SUMF1: variants seen among roughly 807,000 people sequenced by gnomAD.
SUMF1 encodes the protein formylglycine-generating enzyme.
In SUMF1, 48 loss-of-function variants were observed where a neutral mutation model predicts 47.6. The ratio of observed to expected loss-of-function variants is 1.01; its 90% CI spans 0.80 to 1.28. The LOEUF (loss-of-function observed/expected upper bound fraction) is 1.28, where lower values mean the gene tolerates loss of function less well. SUMF1 is among the 50% of genes most tolerant of loss of function. The pLI is 0.00. For missense variants in SUMF1, 571 were observed against 485.4 expected, an observed-to-expected ratio of 1.18 and a Z score of -1.66; for synonymous variants, 230 against 192.1, an observed-to-expected ratio of 1.20 and a Z score of -1.63.
intron 8 of SUMF1, among the ~76,000 whole-genome samples, chr3:4,241,569 G>A (rs984155284): frequency 6.6e-6 from 1 of 152,080 alleles, no homozygotes; most frequent in African/African-American, 2.4e-5. Flanking sequence ...ATATATGAGA[G>A]CTAAGAAGTG....
At chr3:4,290,084 T>C (rs1451354949) in intron 8 of SUMF1, among the ~76,000 whole-genome samples, 1 of 152,242 alleles carries the variant, frequency 6.6e-6, no homozygotes, top group East Asian at 1.9e-4. Flanking sequence ...ATTTAAATTA[T>C]GCTGGGTTGG....
At chr3:4,457,345 T>C (rs1027034758) in intron 1 of SUMF1, among the ~76,000 whole-genome samples, 2 of 151,890 alleles carry the variant, frequency 1.3e-5, no homozygotes, top group Non-Finnish European at 2.9e-5. Flanking sequence ...TCCTATCAAA[T>C]GTAATTCCTA....
rs145683342 is a variant in SUMF1 at position 4,120,620 on chromosome 3, C to A, written c.1015-51875G>T. On this transcript the variant is annotated intron_variant and NMD_transcript_variant, in intron 8 of 12. Coordinates refer to the SUMF1 transcript ENST00000448413. Reference sequence around the variant, plus strand: ...ACAGCTGGCCTAAGAAGGAAAGGGTCCCTCTCTCACCACAGATATCAGATA... The same window carrying A: ...ACAGCTGGCCTAAGAAGGAAAGGGTACCTCTCTCACCACAGATATCAGATA... 8.7e-4 allele frequency among the ~76,000 whole-genome samples: 132 copies of A among 152,110 alleles called. 4 individuals are homozygous for A. Among genetic ancestry groups the A allele is most frequent in the Non-Finnish European group, 5.9e-4 (40 of 68,000 alleles).
chr3:4,200,988 CTTTG>C (rs146214092), intron 8 of SUMF1, among the ~76,000 whole-genome samples: 5,995 of 151,900 alleles, frequency 0.039, 344 homozygotes, highest in East Asian at 0.17. Flanking sequence ...CAACTTTGTT[CTTTG>C]TTTGTAATTT....
chr3:4,350,999 C>T (rs1032567199), intron 8 of SUMF1, among the ~76,000 whole-genome samples: 2 of 151,736 alleles, frequency 1.3e-5, no homozygotes, highest in African/African-American at 4.8e-5. Flanking sequence ...AGAGGGAGAA[C>T]ATCACACATA....
intron 8 of SUMF1, among the ~76,000 whole-genome samples, chr3:4,195,007 G>A (rs1214363075): frequency 6.6e-6 from 1 of 152,100 alleles, no homozygotes; most frequent in Non-Finnish European, 1.5e-5. Flanking sequence ...TTAAAGTAAA[G>A]CAATTAGGTC....
At chr3:4,085,681 C>T (rs554285931) in intron 8 of SUMF1, among the ~76,000 whole-genome samples, 1 of 152,176 alleles carries the variant, frequency 6.6e-6, no homozygotes, top group African/African-American at 2.4e-5. Flanking sequence ...CTGGCCAGAA[C>T]TGATGTCATA....
intron 7 of SUMF1, among the ~76,000 whole-genome samples, chr3:4,390,576 T>C (rs1250511029): frequency 6.6e-6 from 1 of 152,076 alleles, no homozygotes; most frequent in African/African-American, 2.4e-5. Context: ...AAGTCAGGGA[T>C]ATATGCAGCA....
chr3:4,432,102 C>T (rs1300932119), intron 3 of SUMF1, among the ~76,000 whole-genome samples: 3 of 151,890 alleles, frequency 2.0e-5, no homozygotes, highest in African/African-American at 7.3e-5. Flanking sequence ...GTTCTTTTTC[C>T]ATCATCTTTC....
intron 9 of SUMF1, among the ~76,000 whole-genome samples, chr3:4,040,052 TAA>T (rs749017855): frequency 1.3e-5 from 2 of 152,120 alleles, no homozygotes; most frequent in Non-Finnish European, 2.9e-5. Flanking sequence ...GAAAATTTGC[TAA>T]AAGAGTAGAT....
chr3:4,226,884 G>A (rs1022246278), intron 8 of SUMF1, among the ~76,000 whole-genome samples: 8 of 140,500 alleles, frequency 5.7e-5, no homozygotes, highest in Admixed American at 1.4e-4. Context: ...CACTTCTCCC[G>A]TCCCCTACTC....
At chr3:4,434,791 T>C (rs1353225586) in intron 3 of SUMF1, among the ~76,000 whole-genome samples, 1 of 152,130 alleles carries the variant, frequency 6.6e-6, no homozygotes, top group Non-Finnish European at 1.5e-5. Flanking sequence ...AGTCTGTTCC[T>C]AACCAGGTTG....
intron 8 of SUMF1, among the ~76,000 whole-genome samples, chr3:4,371,480 T>C (rs988490254): frequency 6.6e-6 from 1 of 152,208 alleles, no homozygotes; most frequent in African/African-American, 2.4e-5. Context: ...ATTTTAAAGA[T>C]AATTGTAACT....
At chr3:4,260,736 GA>G (rs922716174) in intron 8 of SUMF1, among the ~76,000 whole-genome samples, 7 of 147,182 alleles carry the variant, frequency 4.8e-5, no homozygotes, top group Admixed American at 4.1e-4. Context: ...ATATGTCTAA[GA>G]AAAAAAAAAG....
chr3:4,110,259 G>A (rs1018451550), intron 8 of SUMF1, among the ~76,000 whole-genome samples: 2 of 152,098 alleles, frequency 1.3e-5, no homozygotes, highest in African/African-American at 4.8e-5. Context: ...AACAGCAGAT[G>A]TTGCTGCCTG....
intron 8 of SUMF1, among the ~76,000 whole-genome samples, chr3:4,274,971 A>G (rs1338098898): frequency 2.0e-5 from 3 of 152,144 alleles, no homozygotes; most frequent in African/African-American, 7.2e-5. Flanking sequence ...GGCCTGATGA[A>G]GCCCTGATCA....
At chr3:4,363,249 A>G (rs1175227159) in intron 8 of SUMF1, among the ~76,000 whole-genome samples, 1 of 152,224 alleles carries the variant, frequency 6.6e-6, no homozygotes, top group Non-Finnish European at 1.5e-5. Context: ...TATTATCTAA[A>G]TCATATTTAT....
intron 9 of SUMF1, among the ~76,000 whole-genome samples, chr3:4,062,877 T>C (rs1373322198): frequency 6.6e-6 from 1 of 152,148 alleles, no homozygotes; most frequent in Non-Finnish European, 1.5e-5. Context: ...CAGGGAAGTC[T>C]AATATTCTAA....
intron 8 of SUMF1, among the ~76,000 whole-genome samples, chr3:4,126,956 G>T: frequency 6.6e-6 from 1 of 152,042 alleles, no homozygotes; most frequent in Non-Finnish European, 1.5e-5. Context: ...ATTCCACATC[G>T]TGAAGAAGAA....
Sources: allele counts gnomAD v4.1 joint callset (sites outside exome capture counted in the v4.1 genomes callset), GRCh38; gene constraint gnomAD v4.1.1; transcripts MANE v1.5; gene names NCBI Gene and HGNC (gene_info 2026-07-23, HGNC 2026-07-21).